The following GAPVD1 variants were observed in gnomAD, a reference collection of about 807,000 sequenced individuals.
GAPVD1 encodes the protein GTPase-activating protein and VPS9 domain-containing protein 1.
GAPVD1 carries 35 observed loss-of-function variants against 155.5 expected under a neutral mutation model. That is an observed-to-expected ratio of 0.23 (90% CI 0.17 to 0.30). The LOEUF (loss-of-function observed/expected upper bound fraction) is 0.30. GAPVD1 is among the 10% of genes least tolerant of loss of function. GAPVD1 has a pLI of 1.00. For synonymous variants in GAPVD1, 636 were observed against 619.7 expected, an observed-to-expected ratio of 1.03 and a Z score of -0.39; for missense variants, 1,429 against 1,775.7, an observed-to-expected ratio of 0.80 and a Z score of 3.51.
At position 125,307,800 on chromosome 9, in the gene GAPVD1, GT is replaced by G. The variant is rs756634677; in HGVS notation, c.1364del (p.Leu455Ter). Reference protein sequence around the residue: ...LPPAKPGKSSSLEMTPYNTPQ... With the variant: ...LPPAKPGKSSXLEMTPYNTPQ... Reference sequence around the variant, plus strand: ...CCGGCCAAGCCAGGAAAAAGTAGCAGTTTAGAAATGACTCCCTACAATACAC... The same window carrying G: ...CCGGCCAAGCCAGGAAAAAGTAGCAGTTAGAAATGACTCCCTACAATACAC... On this transcript the variant is annotated frameshift_variant, in exon 8 of 28. Coordinates refer to ENST00000297933, the MANE Select transcript of GAPVD1 (RefSeq NM_001282680.3). LOFTEE classifies it high-confidence loss of function. The G allele has an allele frequency of 6.2e-7, 1 of 1,613,646 alleles. No individual in the cohort carries two copies. The highest frequency in any genetic ancestry group is 8.5e-7 in the Non-Finnish European group (1 of 1,179,588).
intron 3 of GAPVD1, among the ~76,000 whole-genome samples, chr9:125,298,689 C>T (rs939134122): frequency 6.6e-6 from 1 of 151,788 alleles, no homozygotes; most frequent in Non-Finnish European, 1.5e-5. Context: ...GGGGTTTCAC[C>T]ATGTTGGCCA....
chr9:125,360,827 C>A (rs1357254637), intron 27 of GAPVD1, 102 bp downstream of exon 27: 7 of 842,956 alleles, frequency 8.3e-6, no homozygotes, highest in African/African-American at 3.4e-5. Flanking sequence ...TTCCAAGTCA[C>A]AAGCTCTGGG....
In GAPVD1 at chr9:125,342,274, G is replaced by C; in HGVS notation, c.3021G>C (p.Gly1007=). 4 of 1,596,826 alleles carry C rather than the reference G, an allele frequency of 2.5e-6. No individual in the cohort carries two copies. The highest frequency in any genetic ancestry group is 1.7e-5 in the Admixed American group (1 of 60,002). The change falls in exon 19 of 28, where the codon GGG becomes GGC. Residue 1007 remains glycine, a synonymous_variant. Transcript: ENST00000297933. ...AAGAAAAAGACAAAGATGATCTGGGGCCTGACAGATTCTCAACACTCACAG... is the reference window on the plus strand; with the variant it reads ...AAGAAAAAGACAAAGATGATCTGGGCCCTGACAGATTCTCAACACTCACAG... ...EKQEKDKDDL[G]PDRFSTLTDD... is the part of the protein sequence containing the mutation.
At position 125,262,475 on chromosome 9, in the gene GAPVD1, T is replaced by G. The variant is rs543584589; in HGVS notation, c.-199+516T>G. Among the ~76,000 whole-genome samples, 58 of 152,304 alleles carry G rather than the reference T, an allele frequency of 3.8e-4. 1 individual carries two copies. The South Asian group carries it at 5.4e-3, about 14-fold the overall frequency. On this transcript the variant is annotated intron_variant, in intron 1 of 27. Coordinates refer to ENST00000297933, the MANE Select transcript of GAPVD1 (RefSeq NM_001282680.3). ...GTCGGAGGTCTGAAAGTGAGGGAGC[T>G]GTTGGTTGTTTCCATCCCTTTTCTT...
chr9:125,289,712 G>T (rs1365574997), intron 2 of GAPVD1, among the ~76,000 whole-genome samples: 1 of 152,114 alleles, frequency 6.6e-6, no homozygotes, highest in Non-Finnish European at 1.5e-5. Flanking sequence ...CTAGGCAGTT[G>T]CATATATGGA....
chr9:125,314,933 G>A lies in GAPVD1; in HGVS notation c.1602+2321G>A, dbSNP rs2819623. 4.2e-3 allele frequency among the ~76,000 whole-genome samples: 642 copies of A among 151,602 alleles called. 6 individuals carry two copies. Among genetic ancestry groups the A allele is most frequent in the African/African-American group, 0.015 (617 of 41,402 alleles). ...CTCCCTAGCAGCTGGGACTACAGGC[G>A]CCCGCCACCACGCCCGGCTATTTTT... On this transcript the variant is annotated intron_variant, in intron 9 of 27. Transcript: ENST00000297933.
At chr9:125,352,879 G>C (rs1405399872) in intron 23 of GAPVD1, among the ~76,000 whole-genome samples, 1 of 152,162 alleles carries the variant, frequency 6.6e-6, no homozygotes, top group African/African-American at 2.4e-5. Flanking sequence ...GGCCAAGGCA[G>C]GTGGATCACC....
chr9:125,352,346 C>A (rs766701659), intron 23 of GAPVD1, among the ~76,000 whole-genome samples: 1 of 152,244 alleles, frequency 6.6e-6, no homozygotes, highest in Non-Finnish European at 1.5e-5. Flanking sequence ...GGCATCCAGG[C>A]GTTTCTATAC....
chr9:125,271,323 TGTTTA>T (rs1834882382), intron 2 of GAPVD1, among the ~76,000 whole-genome samples: 1 of 152,066 alleles, frequency 6.6e-6, no homozygotes, highest in African/African-American at 2.4e-5. Flanking sequence ...TTGTCAGACG[TGTTTA>T]GTTCTTTTTT....
chr9:125,285,048 T>G (rs533172688), intron 2 of GAPVD1, among the ~76,000 whole-genome samples: 2 of 152,316 alleles, frequency 1.3e-5, no homozygotes, highest in East Asian at 3.9e-4. Context: ...GTAGATATGC[T>G]TGCTTATCAG....
At chr9:125,275,817 A>C (rs997306022) in intron 2 of GAPVD1, among the ~76,000 whole-genome samples, 2 of 152,228 alleles carry the variant, frequency 1.3e-5, no homozygotes, top group African/African-American at 2.4e-5. Flanking sequence ...AATGATTTCA[A>C]GTTATATAAA....
At chr9:125,332,341 A>C (rs1317646010) in intron 14 of GAPVD1, among the ~76,000 whole-genome samples, 169 bp from the exon 15 acceptor site, 1 of 152,212 alleles carries the variant, frequency 6.6e-6, no homozygotes, top group Admixed American at 6.5e-5. Flanking sequence ...GTGTAAAGCA[A>C]GGTAAGTATA....
At position 125,290,723 on chromosome 9, in the gene GAPVD1, A is replaced by G. The variant is rs151304648; in HGVS notation, c.-149-4735A>G. On this transcript the variant is annotated intron_variant, in intron 2 of 27. Coordinates refer to ENST00000297933, the MANE Select transcript of GAPVD1 (RefSeq NM_001282680.3). ...TTTGTGATAATGGGGTTAAAGTGAT[A>G]ATAGCCAGACATGGTGGCTCACACT... is the stretch of plus-strand genomic sequence containing the variant. Among the ~76,000 whole-genome samples, 4 of 152,256 alleles carry G rather than the reference A, an allele frequency of 2.6e-5. No individual in the cohort carries two copies. In the East Asian group the frequency reaches 7.7e-4, roughly 29 times the overall value.
chr9:125,265,972 G>GA (rs1432198715), intron 1 of GAPVD1, among the ~76,000 whole-genome samples: 3 of 148,052 alleles, frequency 2.0e-5, no homozygotes, highest in African/African-American at 4.9e-5. Flanking sequence ...TTAGGAGGAG[G>GA]AAAAAAAAAC....
intron 26 of GAPVD1, among the ~76,000 whole-genome samples, chr9:125,360,020 A>G (rs1485460137): frequency 6.6e-6 from 1 of 152,208 alleles, no homozygotes; most frequent in Non-Finnish European, 1.5e-5. Flanking sequence ...ATGAATTAGC[A>G]TAAAATTTTA....
At chr9:125,316,387 T>C (rs573620008) in intron 9 of GAPVD1, among the ~76,000 whole-genome samples, 3 of 152,220 alleles carry the variant, frequency 2.0e-5, no homozygotes, top group Admixed American at 6.5e-5. Context: ...TGTCCATGTA[T>C]TCTCATTGTT....
chr9:125,268,495 GTTTTTTTT>G (rs911483935), intron 1 of GAPVD1, among the ~76,000 whole-genome samples: 2 of 89,162 alleles, frequency 2.2e-5, no homozygotes, highest in African/African-American at 8.6e-5. Context: ...CCCTAACATT[GTTTTTTTT>G]TTTTTTTTTT....
chr9:125,267,755 A>T (rs915955503), intron 1 of GAPVD1, among the ~76,000 whole-genome samples: 3 of 151,302 alleles, frequency 2.0e-5, no homozygotes, highest in African/African-American at 7.3e-5. Flanking sequence ...GGATCTCCCT[A>T]TGTTCCTCAG....
At chr9:125,333,981 GTC>G (rs1293141543) in intron 15 of GAPVD1, among the ~76,000 whole-genome samples, 5 of 152,090 alleles carry the variant, frequency 3.3e-5, no homozygotes, top group Non-Finnish European at 1.5e-5. Flanking sequence ...AACGAAAAAT[GTC>G]TCTAGACATT....
Sources: gnomAD v4.1 joint callset for allele counts (sites outside exome capture counted in the v4.1 genomes callset) on GRCh38, gnomAD v4.1.1 for gene constraint, MANE v1.5 for transcripts, NCBI Gene and HGNC (gene_info 2026-07-23, HGNC 2026-07-21) for gene names.